GPS2: variants seen among roughly 807,000 people sequenced by gnomAD.
The protein encoded by GPS2 is GPS-2.
In GPS2, 22 loss-of-function variants were observed where a neutral mutation model predicts 48.1. That is an observed-to-expected ratio of 0.46 (90% CI 0.33 to 0.65). The LOEUF is 0.65. GPS2 is among the 30% of genes least tolerant of loss of function. GPS2 has a pLI of 0.03. For synonymous variants in GPS2, 202 were observed against 142.5 expected (o/e 1.42, Z -2.98); for missense variants, 366 against 406.8 (o/e 0.90, Z 0.86).
In GPS2 at chr17:7,313,998, G is replaced by C. The variant is rs1251178232; in HGVS notation, c.398-10C>G. The C allele has an allele frequency of 2.5e-6, 4 of 1,613,412 alleles. No individual in the cohort carries two copies. Among genetic ancestry groups the C allele is most frequent in the Non-Finnish European group, 2.5e-6 (3 of 1,179,490 alleles). On this transcript the variant is annotated splice_polypyrimidine_tract_variant and intron_variant, in intron 5 of 10. Coordinates refer to ENST00000380728, the MANE Select transcript of GPS2 (RefSeq NM_004489.5). ...TGTCCTCCAGGGCTCCCTAGAAAGGGAGAAGGGCTTCATGATGCTGAAATG... is the reference window on the plus strand; with the variant it reads ...TGTCCTCCAGGGCTCCCTAGAAAGGCAGAAGGGCTTCATGATGCTGAAATG...
In GPS2 at chr17:7,313,736, T is replaced by G. The variant is rs370708649; in HGVS notation, c.481-15A>C. ...TAGTGCCGGGTCTAAGGAAGGAGAA[T>G]GAGAACTCGCCTACAAACTCCTTGA... On this transcript the variant is annotated splice_polypyrimidine_tract_variant and intron_variant, in intron 6 of 10. Coordinates refer to ENST00000380728, the MANE Select transcript of GPS2 (RefSeq NM_004489.5). 2.7e-5 allele frequency: 44 copies of G among 1,612,672 alleles called. No individual in the cohort carries two copies. Among genetic ancestry groups the G allele is most frequent in the Non-Finnish European group, 3.6e-5 (43 of 1,179,218 alleles).
At position 7,313,717 on chromosome 17, in the gene GPS2, C is replaced by A. The variant is rs754634220; in HGVS notation, c.485G>T (p.Arg162Leu). The stretch of plus-strand genomic sequence containing the variant: ...AGCAGCTGCTGAGCCCACGTAGTGC[C>A]GGGTCTAAGGAAGGAGAATGAGAAC... Reference protein sequence around the residue: ...QMFGPQVLTTRHYVGSAAAFA... With the variant: ...QMFGPQVLTTLHYVGSAAAFA... Residue 162 changes from arginine to leucine, a missense_variant, in exon 7 of 11, where the codon CGG becomes CTG. Physicochemically the swap from Arg to Leu is moderately radical, Grantham distance 102. Transcript: ENST00000380728. 6.2e-7 allele frequency: 1 copy of A among 1,613,674 alleles called. No individual in the cohort carries two copies.
At position 7,313,277 on chromosome 17, in the gene GPS2, C is replaced by T; in HGVS notation, c.739G>A (p.Gly247Ser). Residue 247 changes from glycine to serine, a missense_variant, in exon 9 of 11, where the codon GGT (glycine) becomes AGT (serine). Gly to Ser is a moderately conservative substitution (Grantham distance 56). Coordinates refer to ENST00000380728, the MANE Select transcript of GPS2 (RefSeq NM_004489.5). Reference sequence around the variant, plus strand: ...TGCTTTTGCAAGGACAGGGCACCACCAGGCTGGAGGAAACCTAGGTGGGGA... The same window carrying T: ...TGCTTTTGCAAGGACAGGGCACCACTAGGCTGGAGGAAACCTAGGTGGGGA... ...QPTQTGFLQP[G>S]GALSLQKQME... is the part of the protein sequence containing the mutation. 1 of 1,614,130 alleles carries T rather than the reference C, an allele frequency of 6.2e-7. No individual in the cohort carries two copies. The highest frequency in any genetic ancestry group is 8.5e-7 in the Non-Finnish European group (1 of 1,179,990).
chr17:7,313,363 G>A lies in GPS2; in HGVS notation c.724+17C>T, dbSNP rs2072890068. On this transcript the variant is annotated intron_variant, in intron 8 of 10. Transcript: ENST00000380728. ...GGAGGACCTGAGAGCTAGAGCTCCT[G>A]CATGGGATGTTATCACCTGTCTGAG... The A allele has an allele frequency of 6.2e-7, 1 of 1,612,566 alleles. No homozygotes were observed. Among genetic ancestry groups the A allele is most frequent in the African/African-American group, 1.3e-5 (1 of 74,900 alleles).
intron 2 of GPS2, 32 bp from the exon 3 acceptor site, chr17:7,314,629 G>A (rs766121712): frequency 9.9e-6 from 16 of 1,613,410 alleles, no homozygotes; most frequent in Middle Eastern, 1.6e-4. Flanking sequence ...AGAAGAGGCA[G>A]GGTAGTGAAA....
In GPS2 at chr17:7,313,439, A is replaced by G. The variant is rs1567615533; in HGVS notation, c.665T>C (p.Leu222Pro). The stretch of plus-strand genomic sequence containing the variant: ...ATAGGGCTGTGGCTGTGGCTGAGAT[A>G]GGTACTGCACTGCAGGGAATGCCGA... ...APSAFPAVQY[L>P]SQPQPQPYAV... The change falls in exon 8 of 11, where the codon CTA becomes CCA. Residue 222 changes from leucine to proline, a missense_variant. By Grantham distance (98) the Leu-to-Pro change is moderately conservative (BLOSUM62 -3). This residue lies in a region of GPS2 where 275 missense variants were observed against 282.3 expected (regional missense o/e 0.97). Transcript: ENST00000380728. 6.2e-7 allele frequency: 1 copy of G among 1,614,168 alleles called. No homozygotes were observed. The highest frequency in any genetic ancestry group is 1.3e-5 in the African/African-American group (1 of 75,036).
Position 7,312,706 on chromosome 17 carries a change from C to A in GPS2, c.*50G>T. Reference sequence around the variant, plus strand: ...TGGCCTGGGACACACAGGGGATACCCTCACCCACGATGGGGTGGGGGGTGT... The same window carrying A: ...TGGCCTGGGACACACAGGGGATACCATCACCCACGATGGGGTGGGGGGTGT... On this transcript the variant is annotated 3_prime_UTR_variant, in exon 11 of 11. Coordinates refer to ENST00000380728, the MANE Select transcript of GPS2 (RefSeq NM_004489.5). 1 of 1,423,120 alleles carries A rather than the reference C, an allele frequency of 7.0e-7. No individual in the cohort carries two copies. The highest frequency in any genetic ancestry group is 1.1e-5 in the South Asian group (1 of 87,128). The allele number at this position is 1,423,120 out of a possible 1,614,324, so 88.2% of individuals were successfully genotyped here. A position where few individuals can be genotyped will look rare whatever the true frequency, so the allele number is the denominator to read the frequency against.
At chr17:7,313,332 G>T in intron 8 of GPS2, 41 bp from the exon 9 acceptor site, 1 of 1,610,922 alleles carries the variant, frequency 6.2e-7, no homozygotes, top group South Asian at 1.1e-5. Flanking sequence ...GAATGAAACA[G>T]GGAGGGGAGG....
In GPS2 at chr17:7,313,944, C is replaced by T. The variant is rs761793531; in HGVS notation, c.442G>A (p.Asp148Asn). The change falls in exon 6 of 11, where the codon GAC (aspartate) becomes AAC (asparagine). Residue 148 changes from aspartate (D) to asparagine (N), a missense_variant. By Grantham distance (23) the Asp-to-Asn change is conservative (BLOSUM62 1). Coordinates refer to ENST00000380728, the MANE Select transcript of GPS2 (RefSeq NM_004489.5). The stretch of plus-strand genomic sequence containing the variant: ...GGTCCAAACATTTGTTTGGCTCTGT[C>T]AGCTGCCATGAGGGTGCCTGGGCGA... The part of the protein sequence containing the change: ...HNRPGTLMAA[D>N]RAKQMFGPQV... The T allele has an allele frequency of 3.7e-6, 6 of 1,614,026 alleles. No individual in the cohort carries two copies.
intron 10 of GPS2, 60 bp downstream of exon 10, chr17:7,312,969 C>T (rs766945384): frequency 4.1e-5 from 61 of 1,482,208 alleles, no homozygotes; most frequent in Non-Finnish European, 5.2e-5. Context: ...CTACCTAATC[C>T]TGCTTTTCCG....
rs1030230012 is a variant in GPS2, at chr17:7,313,520, C to T, written c.634+48G>A. Reference sequence around the variant, plus strand: ...TAAAATCTTTTACTGAATGGCATTCCTCCTTTGACCTTGAGGAAGGCCAAG... The same window carrying T: ...TAAAATCTTTTACTGAATGGCATTCTTCCTTTGACCTTGAGGAAGGCCAAG... On this transcript the variant is annotated intron_variant, in intron 7 of 10. Coordinates refer to ENST00000380728, the MANE Select transcript of GPS2 (RefSeq NM_004489.5). The T allele has an allele frequency of 3.7e-6, 6 of 1,613,666 alleles. No homozygotes were observed. The African/African-American group carries it at 4.0e-5, about 11-fold the overall frequency.
Position 7,313,252 on chromosome 17 carries a change from T to G in GPS2, c.764A>C (p.Gln255Pro), listed in dbSNP as rs757458525. The G allele has an allele frequency of 1.9e-6, 3 of 1,614,218 alleles. No individual in the cohort carries two copies. Among genetic ancestry groups the G allele is most frequent in the Non-Finnish European group, 2.5e-6 (3 of 1,180,018 alleles). The change falls in exon 9 of 11, where the codon CAG becomes CCG. Residue 255 changes from glutamine (Q) to proline (P), a missense_variant. Physicochemically the swap from Gln to Pro is moderately conservative, Grantham distance 76 (BLOSUM62 -1). Coordinates refer to ENST00000380728, the MANE Select transcript of GPS2 (RefSeq NM_004489.5). ...AGTCTGCTGGTTAGCATGTTCCATC[T>G]GCTTTTGCAAGGACAGGGCACCACC... ...QPGGALSLQK[Q>P]MEHANQQTGF...
At chr17:7,314,653 T>G in intron 2 of GPS2, 56 bp from the exon 3 acceptor site, 1 of 1,610,908 alleles carries the variant, frequency 6.2e-7, no homozygotes, top group Non-Finnish European at 8.5e-7. Flanking sequence ...ATTCCAACGT[T>G]ACAGATTGAA....
chr17:7,313,425 G>T lies in GPS2; in HGVS notation c.679C>A (p.Pro227Thr). The change falls in exon 8 of 11, where the codon CCA (proline) becomes ACA (threonine). Residue 227 changes from proline (P) to threonine (T), a missense_variant. Physicochemically the swap from Pro to Thr is conservative, Grantham distance 38 (BLOSUM62 -1). This residue lies in a region of GPS2 where 275 missense variants were observed against 282.3 expected (regional missense o/e 0.97). Coordinates refer to ENST00000380728, the MANE Select transcript of GPS2 (RefSeq NM_004489.5). Reference protein sequence around the residue: ...PAVQYLSQPQPQPYAVHGHFQ... With the variant: ...PAVQYLSQPQTQPYAVHGHFQ... ...TGGCCATGCACAGCATAGGGCTGTG[G>T]CTGTGGCTGAGATAGGTACTGCACT... 6.2e-7 allele frequency: 1 copy of T among 1,614,166 alleles called. No individual in the cohort carries two copies. Among genetic ancestry groups the T allele is most frequent in the Non-Finnish European group, 8.5e-7 (1 of 1,180,010 alleles).
At chr17:7,314,251 C>T in intron 4 of GPS2, 40 bp downstream of exon 4, 1 of 1,597,064 alleles carries the variant, frequency 6.3e-7, no homozygotes, top group East Asian at 2.2e-5. Context: ...ATCCCAGTTC[C>T]ACTTGGCCCC....
In GPS2 at chr17:7,315,047, G is replaced by T. The variant is rs748648209; in HGVS notation, c.6C>A (p.Pro2=). The T allele has an allele frequency of 1.9e-6, 3 of 1,597,064 alleles. No individual in the cohort carries two copies. Among genetic ancestry groups the T allele is most frequent in the Non-Finnish European group, 1.7e-6 (2 of 1,173,430 alleles). ...AAAGCTTGGGGCGCTCCAGGAGTGC[G>T]GGCATGGTGCTGCCGTGGGCGCTCG... M[P]ALLERPKLSN... is the part of the protein sequence containing the mutation. The change falls in exon 2 of 11, where the codon CCC becomes CCA. Residue 2 remains proline, a synonymous_variant. Coordinates refer to ENST00000380728, the MANE Select transcript of GPS2 (RefSeq NM_004489.5).
In GPS2 at chr17:7,312,662, A is replaced by G; in HGVS notation, c.*94T>C. 6 of 978,770 alleles carry G rather than the reference A, an allele frequency of 6.1e-6. No homozygotes were observed. Among genetic ancestry groups the G allele is most frequent in the Non-Finnish European group, 9.9e-6 (6 of 607,930 alleles). 60.6% of individuals were successfully genotyped at this position (978,770 alleles called of 1,614,324 possible). A position where few individuals can be genotyped will look rare whatever the true frequency, so the allele number is the denominator to read the frequency against. The stretch of plus-strand genomic sequence containing the variant: ...AACACAAACAGCAGCAGCCAGGGGC[A>G]GTGGCAGGTAGATTTTATTGGCCTG... On this transcript the variant is annotated 3_prime_UTR_variant, in exon 11 of 11. Transcript: ENST00000380728.
chr17:7,312,972 C>T, intron 10 of GPS2, 57 bp downstream of exon 10: 2 of 1,487,698 alleles, frequency 1.3e-6, no homozygotes, highest in South Asian at 2.4e-5. Context: ...CCTAATCCTG[C>T]TTTTCCGGAT....
In GPS2 at chr17:7,313,297, T is replaced by G. The variant is rs780715806; in HGVS notation, c.725-6A>C. ...ACCACCAGGCTGGAGGAAACCTAGG[T>G]GGGGAAGAGGGGCATGTGAGATGAG... On this transcript the variant is annotated splice_polypyrimidine_tract_variant and splice_region_variant and intron_variant, in intron 8 of 10. Coordinates refer to ENST00000380728, the MANE Select transcript of GPS2 (RefSeq NM_004489.5). 8.7e-6 allele frequency: 14 copies of G among 1,613,236 alleles called. 1 individual carries two copies. The highest frequency in any genetic ancestry group is 1.2e-5 in the Non-Finnish European group (14 of 1,179,542).
Sources: allele counts gnomAD v4.1 joint callset, GRCh38; gene constraint gnomAD v4.1.1; regional missense constraint gnomAD v4.1.1; transcripts MANE v1.5; gene names NCBI Gene and HGNC (gene_info 2026-07-23, HGNC 2026-07-21).